The following CFAP61 variants were observed in gnomAD, a reference collection of about 807,000 sequenced individuals.
CFAP61 encodes the protein cilia- and flagella-associated protein 61.
CFAP61 carries 107 observed loss-of-function variants against 135.6 expected under a neutral mutation model. That is an observed-to-expected ratio of 0.79 (90% CI 0.67 to 0.93). The LOEUF (loss-of-function observed/expected upper bound fraction) is 0.93. Among genes scored for constraint, CFAP61 ranks in the 40% least tolerant of loss-of-function variants. CFAP61 has a pLI of 0.00. For synonymous variants in CFAP61, 575 were observed against 578.5 expected, an observed-to-expected ratio of 0.99 and a Z score of 0.09; for missense variants, 1,507 against 1,556.2, an observed-to-expected ratio of 0.97 and a Z score of 0.53.
intron 6 of CFAP61, among the ~76,000 whole-genome samples, chr20:20,086,700 C>T (rs907048006): frequency 1.3e-5 from 2 of 152,128 alleles, no homozygotes; most frequent in South Asian, 4.1e-4. Flanking sequence ...GCCCAGTTCA[C>T]GTTGGCTATT....
intron 21 of CFAP61, among the ~76,000 whole-genome samples, chr20:20,265,125 T>G (rs576512867): frequency 6.6e-6 from 1 of 152,322 alleles, no homozygotes; most frequent in South Asian, 2.1e-4. Context: ...GACCTCCAAA[T>G]GTACCATAAG....
At chr20:20,148,978 G>T (rs2052154204) in intron 9 of CFAP61, among the ~76,000 whole-genome samples, 1 of 152,158 alleles carries the variant, frequency 6.6e-6, no homozygotes, top group South Asian at 2.1e-4. Context: ...TATATACAGT[G>T]AAGCAAAAGC....
At chr20:20,155,978 A>G (rs1049006526) in intron 9 of CFAP61, among the ~76,000 whole-genome samples, 4 of 152,232 alleles carry the variant, frequency 2.6e-5, no homozygotes, top group Admixed American at 2.0e-4. Flanking sequence ...AAGCATGTTT[A>G]TAACAGCACA....
chr20:20,075,442 T>C, intron 5 of CFAP61, 47 bp from the exon 6 acceptor site: 1 of 1,604,880 alleles, frequency 6.2e-7, no homozygotes, highest in East Asian at 2.2e-5. Flanking sequence ...CATCCCAAAT[T>C]TATTTCTTGA....
intron 26 of CFAP61, among the ~76,000 whole-genome samples, chr20:20,349,421 C>G (rs1216679543): frequency 3.3e-5 from 5 of 152,100 alleles, no homozygotes; most frequent in Non-Finnish European, 7.4e-5. Flanking sequence ...TTTTAAACAA[C>G]CAGATCTGGC....
intron 26 of CFAP61, among the ~76,000 whole-genome samples, chr20:20,346,632 A>G (rs1464400920): frequency 6.6e-6 from 1 of 152,110 alleles, no homozygotes; most frequent in African/African-American, 2.4e-5. Context: ...TGCATTATTT[A>G]GCTGCAGGCA....
Position 20,323,756 on chromosome 20 carries a change from G to T in CFAP61, c.3423-18075G>T, listed in dbSNP as rs2057635668. ...GCCCAACATGGGGGTTGTGGCGGGG[G>T]TATGAAATAAAGAATTGCAAAGAAA... On this transcript the variant is annotated intron_variant, in intron 25 of 26. Transcript: ENST00000245957. 2.6e-5 allele frequency among the ~76,000 whole-genome samples: 4 copies of T among 152,252 alleles called. No individual in the cohort carries two copies. The South Asian group carries it at 8.3e-4, about 32-fold the overall frequency.
Position 20,075,184 on chromosome 20 carries a change from A to G in CFAP61, c.372-5A>G, listed in dbSNP as rs1281703654. 6.2e-7 allele frequency: 1 copy of G among 1,613,786 alleles called. No individual in the cohort carries two copies. The highest frequency in any genetic ancestry group is 2.2e-5 in the East Asian group (1 of 44,874). ...ACACTGCCCCACCCTCTCTTTCCTCACCAGAACCGTGTATAAGGCAGTGCC... is the reference window on the plus strand; with the variant it reads ...ACACTGCCCCACCCTCTCTTTCCTCGCCAGAACCGTGTATAAGGCAGTGCC... On this transcript the variant is annotated splice_region_variant and splice_polypyrimidine_tract_variant and intron_variant, in intron 4 of 26. Transcript: ENST00000245957.
intron 25 of CFAP61, among the ~76,000 whole-genome samples, chr20:20,333,946 G>A (rs544108330): frequency 5.9e-5 from 9 of 152,200 alleles, no homozygotes; most frequent in Non-Finnish European, 1.2e-4. Context: ...ATTTCCCTCC[G>A]AGACAGCTCT....
chr20:20,304,806 T>C (rs562989523), intron 25 of CFAP61, among the ~76,000 whole-genome samples: 246 of 152,174 alleles, frequency 1.6e-3, no homozygotes, highest in South Asian at 4.2e-3. Context: ...CTTCTTGAGA[T>C]GCCGCCTGTC....
intron 25 of CFAP61, among the ~76,000 whole-genome samples, chr20:20,299,116 C>T (rs1351935127): frequency 6.6e-6 from 1 of 152,192 alleles, no homozygotes; most frequent in African/African-American, 2.4e-5. Context: ...ACAGAAGCAA[C>T]TGCCAGGATT....
intron 13 of CFAP61, among the ~76,000 whole-genome samples, chr20:20,171,318 T>C (rs1450197411): frequency 1.3e-5 from 2 of 152,212 alleles, no homozygotes; most frequent in East Asian, 1.9e-4. Context: ...ACCAGCTTTT[T>C]CTCCATGAAG....
intron 26 of CFAP61, 31 bp downstream of exon 26, chr20:20,341,952 T>G (rs2058457991): frequency 3.4e-6 from 5 of 1,454,358 alleles, no homozygotes; most frequent in Non-Finnish European, 4.8e-6. Context: ...TGTGGATTAT[T>G]CCTTGCAAAT....
chr20:20,073,357 T>C (rs1356626905), intron 3 of CFAP61, among the ~76,000 whole-genome samples: 1 of 152,228 alleles, frequency 6.6e-6, no homozygotes, highest in Non-Finnish European at 1.5e-5. Flanking sequence ...CTTGCGCTTT[T>C]AGTCACCGTA....
intron 14 of CFAP61, among the ~76,000 whole-genome samples, chr20:20,188,275 C>A (rs1251194838): frequency 6.6e-6 from 1 of 152,132 alleles, no homozygotes; most frequent in Non-Finnish European, 1.5e-5. Flanking sequence ...GGATCAGATA[C>A]CCAAAATCCT....
chr20:20,196,585 C>T lies in CFAP61; in HGVS notation c.1606C>T (p.Arg536Trp), dbSNP rs1029822950. Residue 536 changes from arginine to tryptophan, a missense_variant, in exon 16 of 27, where the codon CGG (arginine) becomes TGG (tryptophan). Physicochemically the swap from Arg to Trp is moderately radical, Grantham distance 101. Coordinates refer to ENST00000245957, the MANE Select transcript of CFAP61 (RefSeq NM_015585.4). ...TCTTCTGTAGGACATTGAGTACATA[C>T]GGTCCCATTACAACATTGAAGATTT... Reference protein sequence around the residue: ...IRNEMDIEYIRSHYNIEDFIY... With the variant: ...IRNEMDIEYIWSHYNIEDFIY... 5 of 1,612,784 alleles carry T rather than the reference C, an allele frequency of 3.1e-6. No individual in the cohort carries two copies. Among genetic ancestry groups the T allele is most frequent in the East Asian group, 2.2e-5 (1 of 44,886 alleles).
chr20:20,269,168 CATATATGTATAT>C (rs1569219408), intron 21 of CFAP61, among the ~76,000 whole-genome samples: 31 of 89,182 alleles, frequency 3.5e-4, no homozygotes, highest in African/African-American at 7.2e-4. Context: ...CACACACATA[CATATATGTATAT>C]ACACACACAT....
intron 6 of CFAP61, among the ~76,000 whole-genome samples, chr20:20,081,082 G>A (rs546200224): frequency 6.6e-6 from 1 of 152,126 alleles, no homozygotes; most frequent in African/African-American, 2.4e-5. Context: ...GTCTAAATCT[G>A]TGAGAGTTTG....
chr20:20,300,936 A>G (rs1011804026), intron 25 of CFAP61, among the ~76,000 whole-genome samples: 1 of 152,168 alleles, frequency 6.6e-6, no homozygotes, highest in Non-Finnish European at 1.5e-5. Context: ...AAATGTTATT[A>G]TTACAAAAGA....
Sources: allele counts gnomAD v4.1 joint callset (sites outside exome capture counted in the v4.1 genomes callset), GRCh38; gene constraint gnomAD v4.1.1; transcripts MANE v1.5; gene names NCBI Gene and HGNC (gene_info 2026-07-23, HGNC 2026-07-21).